HLA-DPA1: variants seen among roughly 807,000 people sequenced by gnomAD.
The protein encoded by HLA-DPA1 is major histocompatibility complex, class II, DP alpha 1.
Under a neutral mutation model 21.5 loss-of-function variants are expected in HLA-DPA1, and 20 were observed. That is an observed-to-expected ratio of 0.93 (90% CI 0.66 to 1.35). The LOEUF is 1.35. HLA-DPA1 is among the 40% of genes most tolerant of loss of function. The pLI, the probability that HLA-DPA1 is intolerant of heterozygous loss-of-function variation, is 0.00. For missense variants in HLA-DPA1, 279 were observed against 323.0 expected, an observed-to-expected ratio of 0.86 and a Z score of 1.05; for synonymous variants, 123 against 129.6, an observed-to-expected ratio of 0.95 and a Z score of 0.35.
At position 33,068,823 on chromosome 6, in the gene HLA-DPA1, G is replaced by C; in HGVS notation, c.629-19C>G. 8 of 1,612,256 alleles carry C rather than the reference G, an allele frequency of 5.0e-6. No homozygotes were observed. Among genetic ancestry groups the C allele is most frequent in the African/African-American group, 1.3e-5 (1 of 75,004 alleles). On this transcript the variant is annotated intron_variant, in intron 4 of 5. Transcript: ENST00000419277. ...TGGGCCTCTGGGGGAAGAATGAAGA[G>C]ATAGGGTCAGGAGGTGCAGTGAGGG...
intron 2 of HLA-DPA1, 62 bp downstream of exon 1, chr6:33,073,409 G>A (rs1431401): frequency 0.23 from 230,777 of 1,001,830 alleles, 34,235 homozygotes; most frequent in East Asian, 0.63. Flanking sequence ...CCCTGAAGCA[G>A]CAATTGATGT....
chr6:33,071,990 A>G (rs34507584), intron 2 of HLA-DPA1, among the ~76,000 whole-genome samples: 43,251 of 151,098 alleles, frequency 0.29, 8,328 homozygotes, highest in East Asian at 0.69. Flanking sequence ...CAGGTTAAAT[A>G]AGATTTTCCA....
chr6:33,068,704 G>A (rs1346714118), exon 5 of HLA-DPA1: 3 of 1,613,026 alleles, frequency 1.9e-6, no homozygotes, highest in Middle Eastern at 1.6e-4. Context: ...ACTTTATGAT[G>A]AGGACGGTGC....
intron 1 of HLA-DPA1, among the ~76,000 whole-genome samples, chr6:33,076,379 G>C (rs370121856): frequency 6.6e-6 from 1 of 151,638 alleles, no homozygotes; most frequent in Admixed American, 6.6e-5. Flanking sequence ...CCAGTGGTCA[G>C]TGTCTTTGGG....
At chr6:33,069,206 C>G in exon 4 of HLA-DPA1, 1 of 1,612,958 alleles carries the variant, frequency 6.2e-7, no homozygotes, top group Non-Finnish European at 8.5e-7. Flanking sequence ...TGACGTTGAG[C>G]ACTGGTGGGA....
chr6:33,069,996 G>A, intron 2 of HLA-DPA1, 110 bp from the exon 2 acceptor site: 2 of 982,786 alleles, frequency 2.0e-6, no homozygotes, highest in Admixed American at 4.5e-5. Context: ...AAGAAGGTAA[G>A]AGGTCAAAGG....
At chr6:33,066,862 T>A (rs1226671369) in intron 5 of HLA-DPA1, 1 of 152,200 alleles carries the variant, frequency 6.6e-6, no homozygotes, top group African/African-American at 2.4e-5. Context: ...TAAAACAGCA[T>A]ATTTCTTTAT....
chr6:33,067,511 T>G (rs115770992), intron 5 of HLA-DPA1: 43,918 of 151,998 alleles, frequency 0.29, 8,375 homozygotes, highest in East Asian at 0.69. Flanking sequence ...ATGTTTCGCG[T>G]ACAGCCTGCA....
At chr6:33,076,216 C>A in intron 1 of HLA-DPA1, 2 of 1,016,288 alleles carry the variant, frequency 2.0e-6, no homozygotes, top group Non-Finnish European at 1.5e-6. Context: ...TTTAAGGGAT[C>A]AAATTCTGAG....
chr6:33,066,131 A>G (rs187557347), intron 5 of HLA-DPA1: 7 of 152,314 alleles, frequency 4.6e-5, no homozygotes, highest in Admixed American at 2.0e-4. Context: ...GTTACAAATC[A>G]TTATAGATAT....
At chr6:33,067,879 C>A (rs1762039014) in intron 5 of HLA-DPA1, 1 of 152,104 alleles carries the variant, frequency 6.6e-6, no homozygotes, top group Admixed American at 6.5e-5. Context: ...AGCTCGGAGG[C>A]ACCAATGATG....
chr6:33,071,433 C>T (rs774148757), intron 2 of HLA-DPA1, among the ~76,000 whole-genome samples: 1 of 152,184 alleles, frequency 6.6e-6, no homozygotes, highest in African/African-American at 2.4e-5. Flanking sequence ...ATGAATGTCC[C>T]TTGTACTTTT....
Position 33,068,607 on chromosome 6 carries a change from A to G in HLA-DPA1, c.*12+31T>C, listed in dbSNP as rs138654414. The G allele has an allele frequency of 4.7e-4, 723 of 1,538,260 alleles. 3 individuals are homozygous for G. Among genetic ancestry groups the G allele is most frequent in the African/African-American group, 2.4e-3 (150 of 62,246 alleles). On this transcript the variant is annotated intron_variant, in intron 5 of 5. Transcript: ENST00000419277. ...TTTTCCTCCCTTCCTTACATTCTAC[A>G]AATCCTAGGGCCTCCTCTTTACATT... is the stretch of plus-strand genomic sequence containing the variant.
In HLA-DPA1 at chr6:33,080,269, C is replaced by CA; in HGVS notation, c.-100+410dup. ...AGGACTGACATCAGGATGGAAATGTCAGTCAGGGAGTTAAGTAGGGGGAGC... is the reference window on the plus strand; with the variant it reads ...AGGACTGACATCAGGATGGAAATGTCAAGTCAGGGAGTTAAGTAGGGGGAGC... On this transcript the variant is annotated intron_variant, in intron 1 of 5. Coordinates refer to ENST00000419277, the Ensembl canonical transcript of HLA-DPA1. This position sits in a 1 kb window ranked among gnomAD's most constrained non-coding sequence, Gnocchi z 4.3. 1 of 372,898 alleles carries CA rather than the reference C, an allele frequency of 2.7e-6. No individual in the cohort carries two copies. The highest frequency in any genetic ancestry group is 5.2e-6 in the Non-Finnish European group (1 of 190,818). The allele number at this position is 372,898 out of a possible 1,614,324, so 23.1% of individuals were successfully genotyped here.
chr6:33,076,252 A>C (rs1301368755), intron 1 of HLA-DPA1: 2 of 708,016 alleles, frequency 2.8e-6, no homozygotes, highest in South Asian at 3.5e-5. Context: ...TCCTGCCCTA[A>C]GGCAGTGTCC....
In HLA-DPA1 at chr6:33,066,136, A is replaced by G. The variant is rs913400415; in HGVS notation, c.*13-789T>C. On this transcript the variant is annotated intron_variant, in intron 5 of 5. Transcript: ENST00000419277. Reference sequence around the variant, plus strand: ...ACTTCACTCTGTTACAAATCATTATAGATATAATTATAAATGTGTGTGAAC... The same window carrying G: ...ACTTCACTCTGTTACAAATCATTATGGATATAATTATAAATGTGTGTGAAC... 5 of 152,292 alleles carry G rather than the reference A, an allele frequency of 3.3e-5. No individual in the cohort carries two copies. The South Asian group carries it at 8.3e-4, about 25-fold the overall frequency. 9.4% of individuals were successfully genotyped at this position (152,292 alleles called of 1,614,324 possible). A position where few individuals can be genotyped will look rare whatever the true frequency, so the allele number is the denominator to read the frequency against.
chr6:33,075,822 T>G, intron 1 of HLA-DPA1: 1 of 554,328 alleles, frequency 1.8e-6, no homozygotes, highest in Non-Finnish European at 3.2e-6. Context: ...ATCACAGGCT[T>G]TATATTTTCA....
chr6:33,070,570 G>A (rs1383056405), intron 2 of HLA-DPA1, among the ~76,000 whole-genome samples: 1 of 152,130 alleles, frequency 6.6e-6, no homozygotes, highest in Non-Finnish European at 1.5e-5. Flanking sequence ...TAAAGTTTCT[G>A]TCTTAGTTTA....
chr6:33,076,243 C>T (rs1762531074), intron 1 of HLA-DPA1: 2 of 780,734 alleles, frequency 2.6e-6, no homozygotes, highest in Non-Finnish European at 4.3e-6. Flanking sequence ...TGCGGGGGCT[C>T]CTGCCCTAAG....
Sources: allele counts gnomAD v4.1 joint callset (sites outside exome capture counted in the v4.1 genomes callset), GRCh38; gene constraint gnomAD v4.1.1; non-coding constraint Gnocchi (gnomAD v3.1); transcripts MANE v1.5; gene names NCBI Gene and HGNC (gene_info 2026-07-23, HGNC 2026-07-21).